The following CACNA1D variants were observed in gnomAD, a reference collection of about 807,000 sequenced individuals.
The protein encoded by CACNA1D is calcium voltage-gated channel subunit alpha1 D.
A neutral mutation model predicts 257.1 loss-of-function variants in CACNA1D; 55 were observed. That is an observed-to-expected ratio of 0.21 (90% CI 0.17 to 0.27). The LOEUF is 0.27. Ranked by LOEUF, CACNA1D falls within the 10% of genes least tolerant of loss-of-function variation. The pLI is 1.00. For synonymous variants in CACNA1D, 980 were observed against 1,014.9 expected, an observed-to-expected ratio of 0.97 and a Z score of 0.65; for missense variants, 1,876 against 2,784.0, an observed-to-expected ratio of 0.67 and a Z score of 7.34.
chr3:53,718,600 C>A, intron 10 of CACNA1D: 1 of 1,094,854 alleles, frequency 9.1e-7, no homozygotes, highest in Non-Finnish European at 1.4e-6. Context: ...GCCCCCCGGC[C>A]CAGCATTTCA....
At chr3:53,526,236 A>G (rs2091760041) in intron 3 of CACNA1D, among the ~76,000 whole-genome samples, 1 of 152,112 alleles carries the variant, frequency 6.6e-6, no homozygotes, top group Non-Finnish European at 1.5e-5. Flanking sequence ...CCTGGGGAGG[A>G]GCCAACTCTA....
chr3:53,521,920 T>C (rs2091592505), intron 3 of CACNA1D, among the ~76,000 whole-genome samples: 1 of 150,752 alleles, frequency 6.6e-6, no homozygotes, highest in Non-Finnish European at 1.5e-5. Context: ...AGGCCATGAG[T>C]TGGAGAACAG....
At chr3:53,536,094 T>A (rs910279004) in intron 3 of CACNA1D, among the ~76,000 whole-genome samples, 1 of 152,218 alleles carries the variant, frequency 6.6e-6, no homozygotes, top group African/African-American at 2.4e-5. Context: ...ATAACCCATG[T>A]TTGTGCTTCT....
chr3:53,625,952 A>T (rs2093753515), intron 3 of CACNA1D, among the ~76,000 whole-genome samples: 1 of 152,102 alleles, frequency 6.6e-6, no homozygotes, highest in African/African-American at 2.4e-5. Context: ...TGTGGGGTGC[A>T]CATCTGAGAA....
intron 3 of CACNA1D, among the ~76,000 whole-genome samples, chr3:53,528,271 A>G (rs959984040): frequency 2.6e-5 from 4 of 152,182 alleles, no homozygotes; most frequent in Non-Finnish European, 5.9e-5. Flanking sequence ...CTCCAGCAAC[A>G]TATGTTGAAA....
At chr3:53,587,022 T>C (rs1222046302) in intron 3 of CACNA1D, among the ~76,000 whole-genome samples, 2 of 152,174 alleles carry the variant, frequency 1.3e-5, no homozygotes, top group African/African-American at 4.8e-5. Flanking sequence ...GGGCGTGATG[T>C]GTTCCTGGAA....
At chr3:53,805,805 T>TC (rs2095560310) in intron 45 of CACNA1D, among the ~76,000 whole-genome samples, 2 of 85,158 alleles carry the variant, frequency 2.3e-5, no homozygotes, top group Non-Finnish European at 2.3e-5. Flanking sequence ...CCTCCTCCTC[T>TC]ATCTTCCCTC....
intron 3 of CACNA1D, among the ~76,000 whole-genome samples, chr3:53,510,299 T>C (rs530666868): frequency 2.9e-4 from 44 of 152,334 alleles, no homozygotes; most frequent in Non-Finnish European, 5.0e-4. Context: ...AGTTTGAGTA[T>C]TTTAAATTTC....
At chr3:53,768,944 C>G (rs2095350574) in intron 30 of CACNA1D, among the ~76,000 whole-genome samples, 1 of 152,230 alleles carries the variant, frequency 6.6e-6, no homozygotes, top group African/African-American at 2.4e-5. Flanking sequence ...ACCGGAAGAG[C>G]CTCATTTCTC....
chr3:53,753,670 A>G lies in CACNA1D; in HGVS notation c.3774A>G (p.Ala1258=), dbSNP rs777011556. Residue 1258 remains alanine (A), a synonymous_variant, in exon 29 of 48, where the codon GCA becomes GCG. Coordinates refer to ENST00000350061, the MANE Select transcript of CACNA1D (RefSeq NM_001128840.3). ...TCGAGATGGTTTTGAAAGTCATCGC[A>G]TTTAAGCCTAAGGTGAGTTGCAGAA... The part of the protein sequence containing the change: ...FTVEMVLKVI[A]FKPKGYFSDA... 3 of 1,607,012 alleles carry G rather than the reference A, an allele frequency of 1.9e-6. No homozygotes were observed. Among genetic ancestry groups the G allele is most frequent in the Non-Finnish European group, 2.6e-6 (3 of 1,173,438 alleles).
intron 3 of CACNA1D, among the ~76,000 whole-genome samples, chr3:53,601,085 A>G (rs1176390053): frequency 6.6e-6 from 1 of 152,068 alleles, no homozygotes; most frequent in Non-Finnish European, 1.5e-5. Context: ...CCTGCCTTTT[A>G]AGGTCATGCC....
chr3:53,682,213 G>A lies in CACNA1D; in HGVS notation c.1220+9087G>A, dbSNP rs367706178. ...TAAGATGATTAATAGATGGATAGGG[G>A]GATGCAGAGATAGGTGATAAAGAAA... On this transcript the variant is annotated intron_variant, in intron 8 of 47. Coordinates refer to ENST00000350061, the MANE Select transcript of CACNA1D (RefSeq NM_001128840.3). 2.0e-5 allele frequency among the ~76,000 whole-genome samples: 3 copies of A among 151,760 alleles called. No individual in the cohort carries two copies. In the East Asian group the frequency reaches 5.8e-4, roughly 29 times the overall value.
In CACNA1D at chr3:53,518,930, G is replaced by A. The variant is rs572678421; in HGVS notation, c.483+17210G>A. The stretch of plus-strand genomic sequence containing the variant: ...ATTAAACAAACAGCTTTACCACTTC[G>A]CAGTCACGCTTCTCTAAGTCTGCAG... On this transcript the variant is annotated intron_variant, in intron 3 of 47. Transcript: ENST00000350061. 2.0e-4 allele frequency among the ~76,000 whole-genome samples: 31 copies of A among 152,204 alleles called. 1 individual carries two copies. The South Asian group carries it at 4.6e-3, about 22-fold the overall frequency.
rs1008642046 is a variant in CACNA1D at position 53,810,352 on chromosome 3, G to A, written c.6192+54G>A. On this transcript the variant is annotated intron_variant, in intron 47 of 47. Coordinates refer to ENST00000350061, the MANE Select transcript of CACNA1D (RefSeq NM_001128840.3). Reference sequence around the variant, plus strand: ...AGGAAGCACCAGGAGCAGCAGAGGTGCAACTGTAACAGCAGGAAGGGCAGT... The same window carrying A: ...AGGAAGCACCAGGAGCAGCAGAGGTACAACTGTAACAGCAGGAAGGGCAGT... 30 of 1,564,400 alleles carry A rather than the reference G, an allele frequency of 1.9e-5. No homozygotes were observed. The African/African-American group carries it at 2.4e-4, about 13-fold the overall frequency.
chr3:53,618,877 G>A (rs1400221303), intron 3 of CACNA1D, among the ~76,000 whole-genome samples: 2 of 152,096 alleles, frequency 1.3e-5, no homozygotes, highest in Non-Finnish European at 1.5e-5. Context: ...GTGTGACCTC[G>A]GGCAAGTCAC....
At chr3:53,680,563 T>C (rs1576331437) in intron 8 of CACNA1D, among the ~76,000 whole-genome samples, 1 of 152,142 alleles carries the variant, frequency 6.6e-6, no homozygotes, top group African/African-American at 2.4e-5. Flanking sequence ...GGGGAGGCTG[T>C]TGAATCTGTT....
At chr3:53,744,919 T>A (rs1333086150) in intron 23 of CACNA1D, 92 bp downstream of exon 23, 1 of 776,608 alleles carries the variant, frequency 1.3e-6, no homozygotes, top group Non-Finnish European at 2.3e-6. Flanking sequence ...TGAGGCCTGA[T>A]GGATTTTTAA....
chr3:53,561,231 T>C (rs1238052052), intron 3 of CACNA1D, among the ~76,000 whole-genome samples: 1 of 152,194 alleles, frequency 6.6e-6, no homozygotes, highest in Non-Finnish European at 1.5e-5. Flanking sequence ...CTCCTTTTTT[T>C]CTGTTTTATC....
chr3:53,495,259 G>A lies in CACNA1D; in HGVS notation c.67+26G>A, dbSNP rs370002687. 5 of 1,612,360 alleles carry A rather than the reference G, an allele frequency of 3.1e-6. No individual in the cohort carries two copies. Among genetic ancestry groups the A allele is most frequent in the East Asian group, 2.2e-5 (1 of 44,840 alleles). On this transcript the variant is annotated intron_variant, in intron 1 of 47. Coordinates refer to ENST00000350061, the MANE Select transcript of CACNA1D (RefSeq NM_001128840.3). The surrounding 1 kb of genome is among the most constrained non-coding windows in gnomAD (Gnocchi z 5.1). The stretch of plus-strand genomic sequence containing the variant: ...GTGAGCAGCCAGAGCCCGGGCACCC[G>A]CTGCCAAATCCGATCCTGTCATGGT...
Sources: allele counts gnomAD v4.1 joint callset (sites outside exome capture counted in the v4.1 genomes callset), GRCh38; gene constraint gnomAD v4.1.1; non-coding constraint Gnocchi (gnomAD v3.1); transcripts MANE v1.5; gene names NCBI Gene and HGNC (gene_info 2026-07-23, HGNC 2026-07-21).